PTPRM: variants seen among roughly 807,000 people sequenced by gnomAD.
The protein encoded by PTPRM is receptor-type tyrosine-protein phosphatase mu.
In PTPRM, 47 loss-of-function variants were observed where a neutral mutation model predicts 186.7. The ratio of observed to expected loss-of-function variants is 0.25; its 90% CI spans 0.20 to 0.32. PTPRM has a LOEUF of 0.32. Among genes scored for constraint, PTPRM ranks in the 10% least tolerant of loss-of-function variants. PTPRM has a pLI of 1.00. For synonymous variants in PTPRM, 668 were observed against 674.9 expected (o/e 0.99, Z 0.16); for missense variants, 1,494 against 1,865.0 (o/e 0.80, Z 3.66).
At chr18:8,244,236 A>C (rs774722862) in intron 15 of PTPRM, 27 bp downstream of exon 15, 4 of 1,505,758 alleles carry the variant, frequency 2.7e-6, no homozygotes, top group Non-Finnish European at 3.5e-6. Context: ...CTTGGCTTCT[A>C]ACACATCTCC....
At chr18:8,276,030 T>C (rs2094830303) in intron 19 of PTPRM, among the ~76,000 whole-genome samples, 2 of 152,172 alleles carry the variant, frequency 1.3e-5, no homozygotes, top group South Asian at 2.1e-4. Context: ...TCCACGCCAC[T>C]GTCTTTGTTG....
intron 2 of PTPRM, among the ~76,000 whole-genome samples, chr18:7,842,930 G>GTGTGTGTATATATATATATATATATA (rs377182615): frequency 9.9e-6 from 1 of 100,942 alleles, no homozygotes; most frequent in African/African-American, 5.0e-5. Flanking sequence ...GTGTGTGTGT[G>GTGTGTGTATATATATATATATATATA]TATATATATA....
chr18:8,162,995 C>T (rs2093259486), intron 14 of PTPRM, among the ~76,000 whole-genome samples: 1 of 152,196 alleles, frequency 6.6e-6, no homozygotes, highest in Admixed American at 6.5e-5. Context: ...AGCCACACAC[C>T]TGCCCTCAGC....
At chr18:7,947,014 T>G (rs1394766867) in intron 5 of PTPRM, 1 of 456,092 alleles carries the variant, frequency 2.2e-6, no homozygotes. Context: ...ATGGGAGGCC[T>G]TGTGGTTTTC....
At chr18:8,379,755 T>C (rs991555123) in intron 28 of PTPRM, among the ~76,000 whole-genome samples, 1 of 152,256 alleles carries the variant, frequency 6.6e-6, no homozygotes, top group African/African-American at 2.4e-5. Flanking sequence ...CTTATTGCTA[T>C]TCCGTTGATG....
chr18:8,093,007 T>A (rs1324948896), intron 11 of PTPRM, among the ~76,000 whole-genome samples: 1 of 152,048 alleles, frequency 6.6e-6, no homozygotes, highest in Admixed American at 6.6e-5. Context: ...AAATTTTTTT[T>A]AAGAAAGACA....
Position 8,376,018 on chromosome 18 carries a change from C to T in PTPRM, c.3172-28C>T, listed in dbSNP as rs1568858910. On this transcript the variant is annotated intron_variant, in intron 24 of 32. Coordinates refer to ENST00000580170, the MANE Select transcript of PTPRM (RefSeq NM_001105244.2). ...GTGGTTTGTTTTCCCTTGTTCTCTT[C>T]CTTGTTCTGGCTAACCAACTACTGC... is the stretch of plus-strand genomic sequence containing the variant. The T allele has an allele frequency of 2.5e-6, 4 of 1,592,244 alleles. No individual in the cohort carries two copies. In the East Asian group the frequency reaches 9.0e-5, roughly 36 times the overall value.
chr18:8,354,889 C>G (rs536189762), intron 23 of PTPRM, among the ~76,000 whole-genome samples: 70 of 152,234 alleles, frequency 4.6e-4, no homozygotes, highest in African/African-American at 1.5e-3. Flanking sequence ...GAAGCAGCAC[C>G]TAGAAGGGAA....
intron 23 of PTPRM, among the ~76,000 whole-genome samples, chr18:8,348,147 A>G (rs1295763690): frequency 6.6e-6 from 1 of 152,274 alleles, no homozygotes; most frequent in African/African-American, 2.4e-5. Flanking sequence ...CCTACTTAAC[A>G]TGTGTACCGC....
intron 23 of PTPRM, among the ~76,000 whole-genome samples, chr18:8,355,078 A>T (rs1352055245): frequency 6.6e-6 from 1 of 152,236 alleles, no homozygotes. Context: ...CCTTCAGTTC[A>T]TAAGCATATG....
chr18:8,028,526 A>G (rs2085725244), intron 7 of PTPRM, among the ~76,000 whole-genome samples: 2 of 152,284 alleles, frequency 1.3e-5, no homozygotes, highest in East Asian at 3.9e-4. Context: ...ATTCATGGGC[A>G]TTTTCAATAT....
chr18:7,924,721 T>C (rs915761119), intron 4 of PTPRM, among the ~76,000 whole-genome samples: 3 of 152,142 alleles, frequency 2.0e-5, no homozygotes, highest in Admixed American at 6.5e-5. Context: ...CTGTGGCCGT[T>C]GTGATATGAG....
chr18:8,218,471 A>C (rs1419378009), intron 14 of PTPRM, among the ~76,000 whole-genome samples: 1 of 152,196 alleles, frequency 6.6e-6, no homozygotes, highest in African/African-American at 2.4e-5. Flanking sequence ...AAGGGAGTTA[A>C]ATTGAATAAG....
At chr18:7,588,936 A>G (rs2037052570) in intron 1 of PTPRM, among the ~76,000 whole-genome samples, 3 of 152,110 alleles carry the variant, frequency 2.0e-5, no homozygotes, top group Non-Finnish European at 4.4e-5. Flanking sequence ...TGCAACCTCA[A>G]CCTACTGGGC....
At chr18:8,048,130 G>A (rs1014752673) in intron 7 of PTPRM, among the ~76,000 whole-genome samples, 4 of 152,112 alleles carry the variant, frequency 2.6e-5, no homozygotes, top group Admixed American at 2.6e-4. Context: ...GAAAAGTATT[G>A]CAAAGTAGTC....
chr18:8,129,445 C>A (rs1327594605), intron 13 of PTPRM, among the ~76,000 whole-genome samples: 1 of 152,060 alleles, frequency 6.6e-6, no homozygotes, highest in Non-Finnish European at 1.5e-5. Flanking sequence ...GATTTTCATC[C>A]ATTTATTTAT....
intron 22 of PTPRM, among the ~76,000 whole-genome samples, chr18:8,333,005 T>C (rs1472263682): frequency 6.6e-6 from 1 of 152,230 alleles, no homozygotes; most frequent in Non-Finnish European, 1.5e-5. Context: ...AAAATGCGAT[T>C]TTAACAGGCC....
chr18:7,715,210 A>G (rs2040300844), intron 1 of PTPRM, among the ~76,000 whole-genome samples: 1 of 152,220 alleles, frequency 6.6e-6, no homozygotes, highest in Non-Finnish European at 1.5e-5. Flanking sequence ...AACATACACG[A>G]ATCAATAAAC....
intron 14 of PTPRM, among the ~76,000 whole-genome samples, chr18:8,144,434 C>A (rs2092834267): frequency 6.6e-6 from 1 of 152,120 alleles, no homozygotes; most frequent in African/African-American, 2.4e-5. Context: ...CCAGCCTGGG[C>A]AACATGACAA....
Sources: allele counts gnomAD v4.1 joint callset (sites outside exome capture counted in the v4.1 genomes callset), GRCh38; gene constraint gnomAD v4.1.1; transcripts MANE v1.5; gene names NCBI Gene and HGNC (gene_info 2026-07-23, HGNC 2026-07-21).